Variants in SLC19A1 observed in about 807,000 individuals in gnomAD.
The protein encoded by SLC19A1 is solute carrier family 19 member 1.
A neutral mutation model predicts 35.3 loss-of-function variants in SLC19A1; 37 were observed. The ratio of observed to expected loss-of-function variants is 1.05; its 90% CI spans 0.81 to 1.38. SLC19A1 has a LOEUF of 1.38. Among genes scored for constraint, SLC19A1 ranks in the 40% most tolerant of loss-of-function variants. SLC19A1 has a pLI of 0.00. For synonymous variants in SLC19A1, 460 were observed against 398.5 expected (o/e 1.15, Z -1.84); for missense variants, 831 against 826.9 (o/e 1.00, Z -0.06).
downstream of SLC19A1, chr21:45,509,271 T>G: frequency 6.6e-7 from 1 of 1,516,194 alleles, no homozygotes; most frequent in Non-Finnish European, 8.8e-7. Flanking sequence ...CCAGCCCCTC[T>G]CACCCAGCCC....
intron 4 of SLC19A1, among the ~76,000 whole-genome samples, chr21:45,529,606 T>G (rs574846437): frequency 8.7e-4 from 21 of 24,126 alleles, no homozygotes; most frequent in Non-Finnish European, 1.2e-3. Context: ...TGTGAGCGTG[T>G]GTCCATGTGT....
chr21:45,504,055 G>A, intron 3 of SLC19A1: 1 of 1,613,638 alleles, frequency 6.2e-7, no homozygotes, highest in Non-Finnish European at 8.5e-7. Context: ...TGAAATGAAG[G>A]TGGGTGACCT....
At chr21:45,535,969 G>A (rs11702537) in intron 2 of SLC19A1, 85,387 of 166,438 alleles carry the variant, frequency 0.51, 22,705 homozygotes, top group South Asian at 0.59. Flanking sequence ...CCTTGCCCCC[G>A]AAGCTGCTCC....
downstream of SLC19A1, chr21:45,511,072 CCA>C (rs200927798): frequency 9.8e-4 from 944 of 967,662 alleles, 1 homozygote; most frequent in South Asian, 3.8e-3. Flanking sequence ...ATCCACACCC[CCA>C]CACACCACAC....
rs1223416226 is a variant in SLC19A1 at position 45,514,675 on chromosome 21, C to T, written c.*983G>A. The T allele has an allele frequency of 1.4e-5, 4 of 280,898 alleles. No homozygotes were observed. The highest frequency in any genetic ancestry group is 2.6e-5 in the Non-Finnish European group (4 of 151,792). The allele number at this position is 280,898 out of a possible 1,614,324, so 17.4% of individuals were successfully genotyped here. A position where few individuals can be genotyped will look rare whatever the true frequency, so the allele number is the denominator to read the frequency against. ...CCTCACTGACTGCTGACCCTCAACC[C>T]CCAGGCCAGGCCGGCCCTGAATCAG... is the stretch of plus-strand genomic sequence containing the variant. On this transcript the variant is annotated 3_prime_UTR_variant, in exon 6 of 6. Coordinates refer to ENST00000311124, the MANE Select transcript of SLC19A1 (RefSeq NM_194255.4).
chr21:45,532,022 C>G lies in SLC19A1; in HGVS notation c.316G>C (p.Val106Leu). Reference sequence around the variant, plus strand: ...TGGCCCAGCAGCAGCAGCAGCCACACCGACACGAAGCTGAGCCCCTGCAGC... The same window carrying G: ...TGGCCCAGCAGCAGCAGCAGCCACAGCGACACGAAGCTGAGCCCCTGCAGC... ...LLLQGLSFVS[V>L]WLLLLLGHSV... The change falls in exon 3 of 6, where the codon GTG (valine) becomes CTG (leucine). Residue 106 changes from valine to leucine, a missense_variant. Val to Leu is a conservative substitution (Grantham distance 32). Transcript: ENST00000311124. The G allele has an allele frequency of 1.2e-6, 2 of 1,611,616 alleles. No individual in the cohort carries two copies.
chr21:45,529,989 GGTGTCCGTGTGTGTGGTGT>G (rs2077807734), intron 4 of SLC19A1, among the ~76,000 whole-genome samples: 2 of 149,000 alleles, frequency 1.3e-5, no homozygotes, highest in South Asian at 4.3e-4. Context: ...GAGTGTGGTG[GGTGTCCGTGTGTGTGGTGT>G]GTGTCCATGT....
At chr21:45,527,429 G>A (rs1364407138) in intron 4 of SLC19A1, among the ~76,000 whole-genome samples, 3 of 145,180 alleles carry the variant, frequency 2.1e-5, no homozygotes, top group Non-Finnish European at 4.5e-5. Flanking sequence ...AGCGGGCAGG[G>A]TGGGCCCTGG....
chr21:45,538,707 C>T (rs1030917386), intron 1 of SLC19A1, among the ~76,000 whole-genome samples: 22 of 152,028 alleles, frequency 1.4e-4, no homozygotes, highest in Non-Finnish European at 2.2e-4. Context: ...GGGATGGAGC[C>T]GAGGCCCAGC....
At chr21:45,555,530 AG>A (rs1482165119) in intron 1 of SLC19A1, among the ~76,000 whole-genome samples, 1 of 21,710 alleles carries the variant, frequency 4.6e-5, no homozygotes. Context: ...ACGGAGGTGC[AG>A]GGGGCGGCGG....
At chr21:45,512,422 G>A (rs369152864), downstream of SLC19A1, 25 of 1,605,906 alleles carry the variant, frequency 1.6e-5, no homozygotes, top group African/African-American at 5.3e-5. Context: ...GCGGATGGCC[G>A]GAGAGGACCG....
At chr21:45,509,227 C>CG (rs2037427021), downstream of SLC19A1, 1 of 1,287,000 alleles carries the variant, frequency 7.8e-7, no homozygotes. Context: ...GCCCCAGAGT[C>CG]GGGGGCGCAG....
intron 1 of SLC19A1, among the ~76,000 whole-genome samples, chr21:45,541,412 T>C (rs1286170732): frequency 1.3e-5 from 2 of 152,222 alleles, no homozygotes; most frequent in African/African-American, 2.4e-5. Flanking sequence ...AGGCCACCTC[T>C]TTACAGGGCG....
intron 1 of SLC19A1, among the ~76,000 whole-genome samples, chr21:45,562,592 GGA>G (rs1436467576): frequency 2.0e-5 from 3 of 152,228 alleles, no homozygotes; most frequent in African/African-American, 7.2e-5. Flanking sequence ...CTCATGACCA[GGA>G]GAGAGTTTCC....
intron 5 of SLC19A1, among the ~76,000 whole-genome samples, chr21:45,524,095 G>T (rs1039950621): frequency 6.7e-6 from 1 of 150,208 alleles, no homozygotes; most frequent in African/African-American, 2.5e-5. Context: ...AGGCTCACCC[G>T]CCCTGAGCGT....
chr21:45,539,273 G>A (rs1452017204), intron 1 of SLC19A1, among the ~76,000 whole-genome samples: 1 of 152,234 alleles, frequency 6.6e-6, no homozygotes, highest in Non-Finnish European at 1.5e-5. Flanking sequence ...CCGGAGGCCA[G>A]GCCTGGCAGA....
At chr21:45,549,956 C>A (rs2078449800) in intron 1 of SLC19A1, among the ~76,000 whole-genome samples, 1 of 152,064 alleles carries the variant, frequency 6.6e-6, no homozygotes, top group African/African-American at 2.4e-5. Flanking sequence ...ATCTCTGCCC[C>A]TTCTTAGCCC....
rs746905281 is a variant in SLC19A1 at position 45,525,882 on chromosome 21, C to T, written c.1228G>A (p.Val410Ile). Residue 410 changes from valine to isoleucine, a missense_variant, in exon 5 of 6, where the codon GTC (valine) becomes ATC (isoleucine). By Grantham distance (29) the Val-to-Ile change is conservative. Coordinates refer to ENST00000311124, the MANE Select transcript of SLC19A1 (RefSeq NM_194255.4). Reference sequence around the variant, plus strand: ...ACAATGAAAGTGATGATGGTCTTGACGATGGTGGCAAAGAACGTGTTGACC... The same window carrying T: ...ACAATGAAAGTGATGATGGTCTTGATGATGGTGGCAAAGAACGTGTTGACC... ...FGVNTFFATI[V>I]KTIITFIVSD... 19 of 1,613,532 alleles carry T rather than the reference C, an allele frequency of 1.2e-5. No homozygotes were observed. The highest frequency in any genetic ancestry group is 1.7e-5 in the Admixed American group (1 of 60,006).
intron 5 of SLC19A1, among the ~76,000 whole-genome samples, chr21:45,521,936 G>T (rs2077451074): frequency 1.3e-5 from 2 of 152,054 alleles, no homozygotes; most frequent in South Asian, 4.1e-4. Context: ...TGAATTTAGG[G>T]CTAGGCAAAG....
Sources: gnomAD v4.1 joint callset for allele counts (sites outside exome capture counted in the v4.1 genomes callset) on GRCh38, gnomAD v4.1.1 for gene constraint, MANE v1.5 for transcripts, NCBI Gene and HGNC (gene_info 2026-07-23, HGNC 2026-07-21) for gene names.